The following ZNF775 variants were observed in gnomAD, a reference collection of about 807,000 sequenced individuals.
ZNF775 encodes the protein zinc finger protein 775.
In ZNF775, 1 loss-of-function variant was observed where a neutral mutation model predicts 2.4. The observed-to-expected ratio is 0.41, with a 90% CI of 0.15 to 1.94. The LOEUF is 1.94. Among genes scored for constraint, ZNF775 ranks in the 30% most tolerant of loss-of-function variants. The probability of loss-of-function intolerance (pLI) is 0.30; values close to 1 mark genes in which losing one functional copy is unlikely to be tolerated. For synonymous variants in ZNF775, 381 were observed against 373.3 expected (o/e 1.02, Z -0.24); for missense variants, 823 against 826.6 (o/e 1.00, Z 0.05).
intron 2 of ZNF775, among the ~76,000 whole-genome samples, chr7:150,394,648 TCTCC>T (rs367790337): frequency 0.039 from 5,782 of 147,448 alleles, 162 homozygotes; most frequent in African/African-American, 0.077. Flanking sequence ...TCTCTCTCTC[TCTCC>T]CTCCCTCCCT....
In ZNF775 at chr7:150,384,655, T is replaced by G. The variant is rs1271597999; in HGVS notation, c.-49-3767T>G. Among the ~76,000 whole-genome samples the G allele has an allele frequency of 1.3e-5, 2 of 152,140 alleles. No individual in the cohort carries two copies. The highest frequency in any genetic ancestry group is 4.8e-5 in the African/African-American group (2 of 41,446). On this transcript the variant is annotated intron_variant, in intron 1 of 2. Transcript: ENST00000329630. The surrounding 1 kb of genome is among the most constrained non-coding windows in gnomAD (Gnocchi z 4.1). ...CATTCCTGTCCTCTGTGTTTCCCCC[T>G]TTGAATTTCTCACTTCTTCCTCTTG... is the stretch of plus-strand genomic sequence containing the variant.
chr7:150,389,407 G>C (rs1016483514), intron 2 of ZNF775, among the ~76,000 whole-genome samples: 4 of 152,268 alleles, frequency 2.6e-5, no homozygotes, highest in Non-Finnish European at 4.4e-5. Context: ...GTGGCCGCAA[G>C]TGCAAAACAT....
chr7:150,388,608 C>T (rs973113560), intron 2 of ZNF775, 107 bp downstream of exon 2: 24 of 1,239,266 alleles, frequency 1.9e-5, no homozygotes, highest in African/African-American at 3.0e-5. Context: ...CAGCCAGTAG[C>T]TAGTACATCC....
chr7:150,396,321 C>CT (rs1449068904), intron 2 of ZNF775, among the ~76,000 whole-genome samples, 192 bp from the exon 3 acceptor site: 2 of 152,134 alleles, frequency 1.3e-5, no homozygotes, highest in Non-Finnish European at 2.9e-5. Flanking sequence ...CTTCCCGACT[C>CT]TTTTTTCTTC....
At position 150,398,400 on chromosome 7, in the gene ZNF775, G is replaced by C; in HGVS notation, c.*305G>C. 2.2e-6 allele frequency: 1 copy of C among 462,930 alleles called. No homozygotes were observed. Among genetic ancestry groups the C allele is most frequent in the Non-Finnish European group, 3.8e-6 (1 of 261,646 alleles). The allele number at this position is 462,930 out of a possible 1,614,324, so 28.7% of individuals were successfully genotyped here. A position where few individuals can be genotyped will look rare whatever the true frequency, so the allele number is the denominator to read the frequency against. ...GAGTGAGGGGTCTGTTGGGGACGCT[G>C]GGAGAGTCTCTGGTGTGAAGTGGCT... On this transcript the variant is annotated 3_prime_UTR_variant, in exon 3 of 3. Transcript: ENST00000329630.
At chr7:150,396,448 C>G in intron 2 of ZNF775, 65 bp from the exon 3 acceptor site, 1 of 1,489,396 alleles carries the variant, frequency 6.7e-7, no homozygotes, top group Non-Finnish European at 8.9e-7. Context: ...TGCTCCTTCT[C>G]TCCATCCCAC....
At chr7:150,388,731 T>C (rs1424770113) in intron 2 of ZNF775, among the ~76,000 whole-genome samples, 16 of 152,186 alleles carry the variant, frequency 1.1e-4, no homozygotes, top group Admixed American at 1.0e-3. Flanking sequence ...GTCCATTAAC[T>C]TGCCCAGCAA....
At chr7:150,388,124 G>C (rs1293231702) in intron 1 of ZNF775, among the ~76,000 whole-genome samples, 1 of 152,182 alleles carries the variant, frequency 6.6e-6, no homozygotes, top group Non-Finnish European at 1.5e-5. Flanking sequence ...TCGTGTGGGA[G>C]TTAGAAGACC....
rs1800385105 is a variant in ZNF775, at chr7:150,382,707, G to A, written c.-50+3315G>A. The A allele has an allele frequency of 6.6e-6, 1 of 152,412 alleles. No homozygotes were observed. Among genetic ancestry groups the A allele is most frequent in the Non-Finnish European group, 1.5e-5 (1 of 68,226 alleles). 9.4% of individuals were successfully genotyped at this position (152,412 alleles called of 1,614,324 possible). On this transcript the variant is annotated intron_variant, in intron 1 of 2. Coordinates refer to ENST00000329630, the MANE Select transcript of ZNF775 (RefSeq NM_173680.4). This position sits in a 1 kb window ranked among gnomAD's most constrained non-coding sequence, Gnocchi z 4.6. ...CCGGACACAGGCTCATTGTCTCTAGGGCTTTCTGTCTTGCTGTAACGTCTC... is the reference window on the plus strand; with the variant it reads ...CCGGACACAGGCTCATTGTCTCTAGAGCTTTCTGTCTTGCTGTAACGTCTC...
chr7:150,396,479 T>A (rs1800652920), intron 2 of ZNF775, 34 bp from the exon 3 acceptor site: 16 of 1,544,732 alleles, frequency 1.0e-5, no homozygotes, highest in African/African-American at 1.4e-5. Flanking sequence ...AGCAGTGACC[T>A]CTCTCCCTCC....
intron 1 of ZNF775, chr7:150,380,169 CTAACT>C (rs1365546284): frequency 1.3e-5 from 2 of 152,218 alleles, no homozygotes; most frequent in African/African-American, 4.8e-5. Context: ...GGCTTCACAG[CTAACT>C]GTTCCCATGT....
intron 2 of ZNF775, among the ~76,000 whole-genome samples, chr7:150,391,914 A>C (rs1800566624): frequency 6.6e-6 from 1 of 151,770 alleles, no homozygotes; most frequent in Non-Finnish European, 1.5e-5. Flanking sequence ...GGGTTTCACC[A>C]TGTTGGCCAG....
intron 2 of ZNF775, among the ~76,000 whole-genome samples, chr7:150,393,365 A>G (rs1054839063): frequency 6.6e-6 from 1 of 152,164 alleles, no homozygotes; most frequent in African/African-American, 2.4e-5. Flanking sequence ...TTATCCATTC[A>G]CCCACTGAAG....
intron 2 of ZNF775, among the ~76,000 whole-genome samples, chr7:150,391,706 CTTTTTTTTTTTTT>C (rs535705895): frequency 1.4e-5 from 1 of 73,598 alleles, no homozygotes; most frequent in African/African-American, 5.4e-5. Context: ...TCCTTTCTTT[CTTTTTTTTTTTTT>C]TTTTTTTTGA....
In ZNF775 at chr7:150,392,545, A is replaced by ATCTCTCTCTCTCTCTC. The variant is rs56067146; in HGVS notation, c.32-3942_32-3927dup. Among the ~76,000 whole-genome samples the ATCTCTCTCTCTCTCTC allele has an allele frequency of 2.3e-3, 312 of 136,624 alleles. 3 individuals carry two copies. Among genetic ancestry groups the ATCTCTCTCTCTCTCTC allele is most frequent in the African/African-American group, 8.7e-3 (293 of 33,596 alleles). The allele number at this position is 136,624 out of a possible 152,430, so 89.6% of individuals were successfully genotyped here. The stretch of plus-strand genomic sequence containing the variant: ...TTTATTTTCTTTTTTTCCCAAATGG[A>ATCTCTCTCTCTCTCTC]TCTCTCTCTCTCTCTCTCTCTCTCT... On this transcript the variant is annotated intron_variant, in intron 2 of 2. Transcript: ENST00000329630.
chr7:150,380,686 G>A (rs1563255123), intron 1 of ZNF775, among the ~76,000 whole-genome samples: 1 of 152,214 alleles, frequency 6.6e-6, no homozygotes, highest in African/African-American at 2.4e-5. Flanking sequence ...CGAGGTGTGC[G>A]TGCCAGCAAG....
chr7:150,397,023 A>T lies in ZNF775; in HGVS notation c.542A>T (p.His181Leu). The T allele has an allele frequency of 6.3e-7, 1 of 1,598,752 alleles. No homozygotes were observed. The highest frequency in any genetic ancestry group is 8.5e-7 in the Non-Finnish European group (1 of 1,178,762). ...AGCCAGAAGCAGCACCTGCTCAAGC[A>T]CCAGAAGACCCACTCCCGGCCCGCC... ...RFSQKQHLLK[H>L]QKTHSRPATH... Residue 181 changes from histidine to leucine, a missense_variant, in exon 3 of 3, where the codon CAC (histidine) becomes CTC (leucine). His to Leu is a moderately conservative substitution (Grantham distance 99). Coordinates refer to ENST00000329630, the MANE Select transcript of ZNF775 (RefSeq NM_173680.4).
intron 2 of ZNF775, among the ~76,000 whole-genome samples, chr7:150,396,169 C>G (rs60908649): frequency 6.6e-6 from 1 of 152,282 alleles, no homozygotes; most frequent in African/African-American, 2.4e-5. Context: ...TCTCCTCGGC[C>G]TCAGGGTGGA....
chr7:150,383,858 T>G (rs1800404733), intron 1 of ZNF775: 1 of 152,706 alleles, frequency 6.5e-6, no homozygotes, highest in African/African-American at 2.4e-5. Context: ...GTGAGAGCTG[T>G]GCTGGGCTGG....
Sources: gnomAD v4.1 joint callset for allele counts (sites outside exome capture counted in the v4.1 genomes callset) on GRCh38, gnomAD v4.1.1 for gene constraint, Gnocchi (gnomAD v3.1) non-coding constraint, MANE v1.5 for transcripts, NCBI Gene and HGNC (gene_info 2026-07-23, HGNC 2026-07-21) for gene names.